The following SLC16A5 variants were observed in gnomAD, a reference collection of about 807,000 sequenced individuals.
SLC16A5 encodes solute carrier family 16 member 5, also known as monocarboxylate transporter 6.
SLC16A5 carries 29 observed loss-of-function variants against 33.2 expected under a neutral mutation model. That is an observed-to-expected ratio of 0.87 (90% confidence interval 0.65 to 1.19). SLC16A5 has a LOEUF of 1.19. SLC16A5 is among the 50% of genes most tolerant of loss of function. The probability of loss-of-function intolerance (pLI) is 0.00; values close to 1 mark genes in which losing one functional copy is unlikely to be tolerated. For missense variants in SLC16A5, 606 were observed against 678.2 expected (o/e 0.89, Z 1.18); for synonymous variants, 248 against 284.1 (o/e 0.87, Z 1.28).
At chr17:75,109,027 C>G (rs767151602), downstream of SLC16A5, among the ~76,000 whole-genome samples, 5 of 152,182 alleles carry the variant, frequency 3.3e-5, no homozygotes, top group Non-Finnish European at 7.3e-5. This position sits in a 1 kb window ranked among gnomAD's most constrained non-coding sequence, Gnocchi z 5.0. Flanking sequence ...ACACTCACAG[C>G]CTAAGCCACC....
chr17:75,104,544 C>G, intron 6 of SLC16A5: 1 of 863,154 alleles, frequency 1.2e-6, no homozygotes, highest in Non-Finnish European at 1.4e-6. Flanking sequence ...CTCTGCCCCC[C>G]AAGTTCAAGC....
chr17:75,104,142 C>T lies in SLC16A5; in HGVS notation c.1326C>T (p.Ala442=). ...TGGAGCGGGATCTTTTCTTGGAAGC[C>T]AAAGACGGTCCTGGGAAGCAACGGT... ...DALERDLFLE[A]KDGPGKQRSP... is the part of the protein sequence containing the mutation. The change falls in exon 6 of 7, where the codon GCC becomes GCT. Residue 442 remains alanine, a synonymous_variant. Transcript: ENST00000329783. 1 of 1,614,156 alleles carries T rather than the reference C, an allele frequency of 6.2e-7. No individual in the cohort carries two copies.
At chr17:75,105,222 G>A in intron 6 of SLC16A5, 1 of 985,454 alleles carries the variant, frequency 1.0e-6, no homozygotes, top group Non-Finnish European at 1.2e-6. Flanking sequence ...AATCGGTGAA[G>A]TCTGAGGGCC....
chr17:75,094,996 C>T (rs4789136), intron 3 of SLC16A5, among the ~76,000 whole-genome samples: 33,539 of 151,918 alleles, frequency 0.22, 4,345 homozygotes, highest in Non-Finnish European at 0.29. Context: ...GCAGAGACCC[C>T]GGCCTCGGAG....
chr17:75,088,233 C>T (rs997447795), intron 1 of SLC16A5, among the ~76,000 whole-genome samples, 189 bp downstream of exon 1: 1 of 152,192 alleles, frequency 6.6e-6, no homozygotes, highest in Admixed American at 6.5e-5. Context: ...GGGTGATGAC[C>T]CGCAAGCCCA....
rs1022351424 is a variant in SLC16A5, at chr17:75,088,003, C to T, written c.-244C>T. ...GGCCCGGGCCGCAGGACGCCGCGCT[C>T]GGGGGAGCTGAGCCACCTCTCCGCC... On this transcript the variant is annotated 5_prime_UTR_variant, in exon 1 of 7. Transcript: ENST00000329783. The T allele has an allele frequency of 4.6e-5, 7 of 152,270 alleles. No individual in the cohort carries two copies. The highest frequency in any genetic ancestry group is 1.5e-5 in the Non-Finnish European group (1 of 68,104). The allele number at this position is 152,270 out of a possible 1,614,324, so 9.4% of individuals were successfully genotyped here.
intron 6 of SLC16A5, 75 bp from the exon 7 acceptor site, chr17:75,105,805 G>A: frequency 6.8e-7 from 1 of 1,470,124 alleles, no homozygotes; most frequent in Non-Finnish European, 9.1e-7. Flanking sequence ...TCAGGTTCAG[G>A]ATGTTGTTTG....
intron 2 of SLC16A5, chr17:75,089,755 G>GAAAAAAAAAAAAAA (rs58540678): frequency 1.1e-5 from 1 of 88,874 alleles, no homozygotes; most frequent in Non-Finnish European, 2.3e-5. Context: ...CTTCATCTCA[G>GAAAAAAAAAAAAAA]AAAAAAAAAA....
In SLC16A5 at chr17:75,105,903, G is replaced by A. The variant is rs139714153; in HGVS notation, c.1388G>A (p.Arg463His). Residue 463 changes from arginine to histidine, a missense_variant, in exon 7 of 7, where the codon CGT becomes CAT. Arg to His is a conservative substitution (Grantham distance 29, BLOSUM62 0). Transcript: ENST00000329783. Reference protein sequence around the residue: ...EIMCQSSRQPRPAGVNKHLWG... With the variant: ...EIMCQSSRQPHPAGVNKHLWG... Reference sequence around the variant, plus strand: ...AGGTGCCAGTCTTCCCGCCAGCCACGTCCAGCTGGCGTCAATAAGCATCTT... The same window carrying A: ...AGGTGCCAGTCTTCCCGCCAGCCACATCCAGCTGGCGTCAATAAGCATCTT... 382 of 1,606,932 alleles carry A rather than the reference G, an allele frequency of 2.4e-4. No individual in the cohort carries two copies. The highest frequency in any genetic ancestry group is 3.1e-4 in the Non-Finnish European group (363 of 1,175,024).
At chr17:75,096,337 C>A (rs116985629) in intron 3 of SLC16A5, among the ~76,000 whole-genome samples, 2 of 150,638 alleles carry the variant, frequency 1.3e-5, no homozygotes, top group African/African-American at 4.9e-5. Context: ...TCCCCACCCC[C>A]ACCCCTGTGA....
intron 2 of SLC16A5, among the ~76,000 whole-genome samples, chr17:75,092,184 T>C (rs1007222185): frequency 6.6e-6 from 1 of 152,090 alleles, no homozygotes; most frequent in African/African-American, 2.4e-5. Flanking sequence ...TGTGTGTGTG[T>C]CTGCTAGTGT....
At chr17:75,089,584 T>C (rs2073610774) in intron 2 of SLC16A5, among the ~76,000 whole-genome samples, 2 of 151,734 alleles carry the variant, frequency 1.3e-5, no homozygotes, top group South Asian at 4.2e-4. Context: ...TGAAACCCCG[T>C]CTCTACTAAA....
At chr17:75,091,103 G>A (rs751280629) in intron 2 of SLC16A5, among the ~76,000 whole-genome samples, 4 of 152,186 alleles carry the variant, frequency 2.6e-5, no homozygotes, top group African/African-American at 9.7e-5. Context: ...GGGCCTGGGA[G>A]TGCCAGGGCT....
chr17:75,098,486 A>G (rs559471572), intron 4 of SLC16A5, among the ~76,000 whole-genome samples: 2 of 152,184 alleles, frequency 1.3e-5, no homozygotes, highest in South Asian at 4.1e-4. Flanking sequence ...ATCGCCCGGG[A>G]AGTGGAGGTT....
chr17:75,089,940 A>G (rs934125424), intron 2 of SLC16A5: 9 of 152,062 alleles, frequency 5.9e-5, no homozygotes, highest in Admixed American at 3.9e-4. Flanking sequence ...CCTGTGAACA[A>G]TTAACTGAAA....
At chr17:75,101,458 A>C (rs1193956277) in intron 5 of SLC16A5, among the ~76,000 whole-genome samples, 1 of 143,528 alleles carries the variant, frequency 7.0e-6, no homozygotes, top group Non-Finnish European at 1.5e-5. Flanking sequence ...GCTACTTGGG[A>C]GGCTGACACC....
chr17:75,091,756 C>T (rs181524742), intron 2 of SLC16A5, among the ~76,000 whole-genome samples: 31 of 152,326 alleles, frequency 2.0e-4, no homozygotes, highest in Non-Finnish European at 3.5e-4. Flanking sequence ...ACAGCAGCTC[C>T]GGGATGCGTG....
At chr17:75,098,549 C>A (rs1480778127) in intron 4 of SLC16A5, among the ~76,000 whole-genome samples, 1 of 152,068 alleles carries the variant, frequency 6.6e-6, no homozygotes, top group Non-Finnish European at 1.5e-5. Flanking sequence ...CAGAGCAAGA[C>A]CCCATCTCAA....
chr17:75,098,214 C>G, intron 4 of SLC16A5, 33 bp downstream of exon 4: 1 of 1,610,242 alleles, frequency 6.2e-7, no homozygotes, highest in Non-Finnish European at 8.5e-7. Flanking sequence ...AATTTATAGG[C>G]ACCTGCTAGA....
Sources: gnomAD v4.1 joint callset for allele counts (sites outside exome capture counted in the v4.1 genomes callset) on GRCh38, gnomAD v4.1.1 for gene constraint, Gnocchi (gnomAD v3.1) non-coding constraint, MANE v1.5 for transcripts, NCBI Gene and HGNC (gene_info 2026-07-23, HGNC 2026-07-21) for gene names.